TASP1: variants seen among roughly 807,000 people sequenced by gnomAD.
TASP1 encodes the protein threonine aspartase 1.
In TASP1, 16 loss-of-function variants were observed where a neutral mutation model predicts 56.6. The observed-to-expected ratio is 0.28, with a 90% CI of 0.19 to 0.43. TASP1 has a LOEUF of 0.43. TASP1 is among the 20% of genes least tolerant of loss of function. TASP1 has a pLI of 1.00. For synonymous variants in TASP1, 179 were observed against 184.2 expected (o/e 0.97, Z 0.23); for missense variants, 393 against 511.6 (o/e 0.77, Z 2.24).
intron 12 of TASP1, among the ~76,000 whole-genome samples, chr20:13,417,776 A>G (rs1159550523): frequency 2.6e-5 from 4 of 151,766 alleles, no homozygotes; most frequent in African/African-American, 9.7e-5. Context: ...CTTCTGTTTG[A>G]CTCTTGTAAC....
the TASP1 span, among the ~76,000 whole-genome samples, chr20:13,290,477 G>A: frequency 3.9e-5 from 6 of 152,142 alleles, no homozygotes; most frequent in Middle Eastern, 3.4e-3. Context: ...GTGAAATGCC[G>A]TCTCTACTAA....
chr20:13,135,246 C>T, the TASP1 span, among the ~76,000 whole-genome samples: 1 of 152,156 alleles, frequency 6.6e-6, no homozygotes, highest in South Asian at 2.1e-4. Context: ...CCACAATGGG[C>T]AACACTGCTA....
chr20:13,338,708 G>C, the TASP1 span, among the ~76,000 whole-genome samples: 1 of 149,058 alleles, frequency 6.7e-6, no homozygotes, highest in East Asian at 1.9e-4. Flanking sequence ...TCACGTCTTG[G>C]ACTTGCTTGA....
chr20:13,418,790 T>G (rs2042344079), intron 12 of TASP1, among the ~76,000 whole-genome samples: 1 of 152,202 alleles, frequency 6.6e-6, no homozygotes, highest in Admixed American at 6.5e-5. Context: ...TAAGATACCT[T>G]GAGACACAAC....
the TASP1 span, among the ~76,000 whole-genome samples, chr20:13,120,820 T>A: frequency 6.6e-6 from 1 of 152,220 alleles, no homozygotes; most frequent in African/African-American, 2.4e-5. Flanking sequence ...ATCCCCACTT[T>A]CCACCTCAAG....
chr20:13,359,107 TC>T, the TASP1 span, among the ~76,000 whole-genome samples: 6 of 147,080 alleles, frequency 4.1e-5, no homozygotes, highest in Admixed American at 6.8e-5. Context: ...TGCACCCCAA[TC>T]GCTTATTTCC....
intron 11 of TASP1, among the ~76,000 whole-genome samples, chr20:13,462,726 C>A (rs189514679): frequency 6.6e-6 from 1 of 152,082 alleles, no homozygotes; most frequent in East Asian, 1.9e-4. Flanking sequence ...TTTCTATATA[C>A]TAATAATGAA....
chr20:13,301,380 G>A, the TASP1 span, among the ~76,000 whole-genome samples: 4 of 152,066 alleles, frequency 2.6e-5, no homozygotes, highest in Non-Finnish European at 5.9e-5. Flanking sequence ...GGAGAGATAA[G>A]GTTTCACCAT....
the TASP1 span, among the ~76,000 whole-genome samples, chr20:13,199,072 A>AT: frequency 4.3e-3 from 582 of 134,386 alleles, 4 homozygotes; most frequent in African/African-American, 0.016. Context: ...TACCTGGCTA[A>AT]ATTTTTTTTT....
At chr20:13,214,813 T>G in the TASP1 span, among the ~76,000 whole-genome samples, 1 of 152,226 alleles carries the variant, frequency 6.6e-6, no homozygotes, top group African/African-American at 2.4e-5. Flanking sequence ...ACTACAGATG[T>G]TCATTCAATT....
chr20:13,285,815 A>G, the TASP1 span, among the ~76,000 whole-genome samples: 3 of 152,218 alleles, frequency 2.0e-5, no homozygotes, highest in African/African-American at 4.8e-5. Context: ...GGATTCCAAC[A>G]CAAGAGAGTT....
intron 4 of TASP1, among the ~76,000 whole-genome samples, chr20:13,595,208 C>T (rs1251146236): frequency 6.6e-6 from 1 of 152,150 alleles, no homozygotes; most frequent in Non-Finnish European, 1.5e-5. Context: ...GCCTGCCTTA[C>T]AAGAACTCCT....
the TASP1 span, among the ~76,000 whole-genome samples, chr20:13,217,953 A>G: frequency 6.6e-6 from 1 of 152,164 alleles, no homozygotes; most frequent in Admixed American, 6.5e-5. Flanking sequence ...TTTGCCATGT[A>G]GAAAGGAAAG....
chr20:13,557,833 A>G (rs1243596817), intron 8 of TASP1, among the ~76,000 whole-genome samples: 1 of 151,922 alleles, frequency 6.6e-6, no homozygotes, highest in African/African-American at 2.4e-5. Context: ...AGCCTCCCAA[A>G]GTACTGTGAT....
At chr20:13,560,585 G>A (rs906301469) in intron 7 of TASP1, among the ~76,000 whole-genome samples, 3 of 152,152 alleles carry the variant, frequency 2.0e-5, no homozygotes, top group East Asian at 1.9e-4. Flanking sequence ...TATTGTCCCA[G>A]ATTACAGCAG....
the TASP1 span, among the ~76,000 whole-genome samples, chr20:13,193,964 C>A: frequency 6.6e-6 from 1 of 152,148 alleles, no homozygotes; most frequent in Non-Finnish European, 1.5e-5. Flanking sequence ...GCAAGGTAGG[C>A]TAGGAAAATT....
At chr20:13,240,743 A>C in the TASP1 span, among the ~76,000 whole-genome samples, 1 of 152,196 alleles carries the variant, frequency 6.6e-6, no homozygotes. Flanking sequence ...GTAAGAGGTG[A>C]TGGGATGTGG....
chr20:13,563,582 T>C (rs940476293), intron 7 of TASP1, among the ~76,000 whole-genome samples: 5 of 151,916 alleles, frequency 3.3e-5, no homozygotes, highest in African/African-American at 1.2e-4. Flanking sequence ...GTGCAATTTA[T>C]TCCTAAGAAG....
chr20:13,127,603 C>G, the TASP1 span, among the ~76,000 whole-genome samples: 1 of 152,142 alleles, frequency 6.6e-6, no homozygotes, highest in Non-Finnish European at 1.5e-5. Context: ...TTGCTAGAAG[C>G]CTACTATATA....
Sources: gnomAD v4.1 joint callset for allele counts (sites outside exome capture counted in the v4.1 genomes callset) on GRCh38, gnomAD v4.1.1 for gene constraint, MANE v1.5 for transcripts, NCBI Gene and HGNC (gene_info 2026-07-23, HGNC 2026-07-21) for gene names.